ADAM12: variants seen among roughly 807,000 people sequenced by gnomAD.
The protein encoded by ADAM12 is ADAM metallopeptidase domain 12, also known as disintegrin and metalloproteinase domain-containing protein 12.
In ADAM12, 70 loss-of-function variants were observed where a neutral mutation model predicts 106.4. That is an observed-to-expected ratio of 0.66 (90% CI 0.54 to 0.80). The LOEUF is 0.80. Ranked by LOEUF, ADAM12 falls within the 30% of genes least tolerant of loss-of-function variation. ADAM12 has a pLI of 0.00. For missense variants in ADAM12, 1,010 were observed against 1,171.9 expected, an observed-to-expected ratio of 0.86 and a Z score of 2.02; for synonymous variants, 420 against 433.5, an observed-to-expected ratio of 0.97 and a Z score of 0.39.
chr10:126,087,938 GCC>G (rs1033993805), intron 11 of ADAM12, among the ~76,000 whole-genome samples: 3 of 152,190 alleles, frequency 2.0e-5, no homozygotes, highest in Non-Finnish European at 4.4e-5. Flanking sequence ...GGAGCGGTCT[GCC>G]CAGCCTGTAT....
chr10:126,289,410 C>T (rs1960042088), intron 2 of ADAM12, among the ~76,000 whole-genome samples: 1 of 152,232 alleles, frequency 6.6e-6, no homozygotes, highest in Non-Finnish European at 1.5e-5. Context: ...CCACTGGTAG[C>T]CCCAGTGCCA....
chr10:126,260,233 C>T (rs1364276232), intron 3 of ADAM12, among the ~76,000 whole-genome samples: 2 of 152,222 alleles, frequency 1.3e-5, no homozygotes, highest in African/African-American at 2.4e-5. Flanking sequence ...CAGCGCTTCA[C>T]GCTGCCTGCT....
intron 3 of ADAM12, among the ~76,000 whole-genome samples, chr10:126,247,917 T>A (rs1590677289): frequency 6.6e-6 from 1 of 152,066 alleles, no homozygotes; most frequent in Non-Finnish European, 1.5e-5. Flanking sequence ...AATGACGGAG[T>A]AAGATGCTCT....
intron 2 of ADAM12, among the ~76,000 whole-genome samples, chr10:126,305,564 G>A (rs971367580): frequency 3.3e-5 from 5 of 152,004 alleles, no homozygotes; most frequent in Admixed American, 6.5e-5. Context: ...TTTGGGTGAC[G>A]GTTACGTGGG....
At chr10:126,088,210 A>G (rs1391531198) in intron 11 of ADAM12, among the ~76,000 whole-genome samples, 2 of 152,090 alleles carry the variant, frequency 1.3e-5, no homozygotes, top group Non-Finnish European at 2.9e-5. Flanking sequence ...GAAGTCAAGG[A>G]TCCTGCCTTG....
At chr10:126,108,971 A>T (rs1005486135) in intron 7 of ADAM12, among the ~76,000 whole-genome samples, 3 of 152,232 alleles carry the variant, frequency 2.0e-5, no homozygotes, top group Non-Finnish European at 4.4e-5. Flanking sequence ...GTCAGTCCAA[A>T]GCCATTTTTC....
intron 5 of ADAM12, among the ~76,000 whole-genome samples, chr10:126,121,629 C>T (rs1240387655): frequency 2.0e-5 from 3 of 150,340 alleles, no homozygotes; most frequent in Non-Finnish European, 4.4e-5. Context: ...CGAGGAATAG[C>T]TGGTCAAGTT....
At chr10:126,205,331 TA>T (rs58602667) in intron 3 of ADAM12, among the ~76,000 whole-genome samples, 118,356 of 147,898 alleles carry the variant, frequency 0.8, 47,294 homozygotes, top group Middle Eastern at 0.89. Context: ...AAAGTATGTT[TA>T]AAAAAAAAAA....
chr10:126,259,464 T>A (rs959565654), intron 3 of ADAM12, among the ~76,000 whole-genome samples: 22 of 152,326 alleles, frequency 1.4e-4, no homozygotes, highest in African/African-American at 4.8e-4. Flanking sequence ...AAAAGAGCGA[T>A]CACATGCTTT....
At position 126,025,949 on chromosome 10, in the gene ADAM12, A is replaced by G. The variant is rs149230023; in HGVS notation, c.2530-6124T>C. Among the ~76,000 whole-genome samples the G allele has an allele frequency of 2.8e-4, 42 of 152,356 alleles. No homozygotes were observed. The East Asian group carries it at 8.1e-3, about 29-fold the overall frequency. ...ACAAAGGAAAGCCTATCAGACTAACAGCAGACCTCCCAGTGGAAACCCAAT... is the reference window on the plus strand; with the variant it reads ...ACAAAGGAAAGCCTATCAGACTAACGGCAGACCTCCCAGTGGAAACCCAAT... On this transcript the variant is annotated intron_variant, in intron 21 of 22. Transcript: ENST00000448723.
At chr10:126,250,901 T>C (rs1396708459) in intron 3 of ADAM12, among the ~76,000 whole-genome samples, 1 of 152,266 alleles carries the variant, frequency 6.6e-6, no homozygotes, top group Admixed American at 6.5e-5. Flanking sequence ...GTTTACATTA[T>C]TGATCTGCTA....
In ADAM12 at chr10:126,137,332, C is replaced by T. The variant is rs554155171; in HGVS notation, c.340-1672G>A. 2.0e-5 allele frequency among the ~76,000 whole-genome samples: 3 copies of T among 152,248 alleles called. No homozygotes were observed. In the East Asian group the frequency reaches 5.8e-4, roughly 29 times the overall value. On this transcript the variant is annotated intron_variant, in intron 4 of 22. Coordinates refer to ENST00000448723, the MANE Select transcript of ADAM12 (RefSeq NM_001288973.2). The stretch of plus-strand genomic sequence containing the variant: ...TTCCACACTGTTCCAATGACTATTG[C>T]TCTATACTCTATTTTGATATCAGGT...
chr10:126,051,471 A>C (rs114536314), intron 14 of ADAM12, among the ~76,000 whole-genome samples: 4,015 of 149,260 alleles, frequency 0.027, 170 homozygotes, highest in African/African-American at 0.093. Context: ...CCGTCCATCC[A>C]TCCGTCCAGC....
rs1190261309 is a variant in ADAM12, at chr10:126,053,647, A to G, written c.1610-3978T>C. 6.6e-6 allele frequency among the ~76,000 whole-genome samples: 1 copy of G among 152,156 alleles called. No individual in the cohort carries two copies. Among genetic ancestry groups the G allele is most frequent in the Admixed American group, 6.5e-5 (1 of 15,280 alleles). The stretch of plus-strand genomic sequence containing the variant: ...CATTTTAATTTAGATTGTCTTAAAA[A>G]AAAAACCTCTCCCACACCGTGGAAC... On this transcript the variant is annotated intron_variant, in intron 14 of 22. Coordinates refer to ENST00000448723, the MANE Select transcript of ADAM12 (RefSeq NM_001288973.2). The surrounding 1 kb of genome is among the most constrained non-coding windows in gnomAD (Gnocchi z 4.6).
At chr10:126,047,153 A>T (rs1007052464) in intron 16 of ADAM12, among the ~76,000 whole-genome samples, 1 of 152,378 alleles carries the variant, frequency 6.6e-6, no homozygotes, top group Admixed American at 6.5e-5. Flanking sequence ...GCAGCCCTTT[A>T]TCTCCTATAA....
At chr10:126,226,687 G>A (rs1231722432) in intron 3 of ADAM12, among the ~76,000 whole-genome samples, 1 of 152,184 alleles carries the variant, frequency 6.6e-6, no homozygotes, top group African/African-American at 2.4e-5. Context: ...AGCTTGGCTT[G>A]TAGTAAGTGT....
chr10:126,228,669 G>C (rs1217625257), intron 3 of ADAM12, among the ~76,000 whole-genome samples: 1 of 151,982 alleles, frequency 6.6e-6, no homozygotes. Flanking sequence ...GCACATTTTT[G>C]TCCTTCCTCC....
At chr10:126,104,927 A>G (rs960546099) in intron 8 of ADAM12, among the ~76,000 whole-genome samples, 5 of 152,166 alleles carry the variant, frequency 3.3e-5, no homozygotes, top group Admixed American at 1.3e-4. Context: ...TTTCATTTGT[A>G]GAGTTGAAAA....
intron 2 of ADAM12, among the ~76,000 whole-genome samples, chr10:126,300,795 T>C (rs1960586971): frequency 6.6e-6 from 1 of 152,226 alleles, no homozygotes. Context: ...ATAGGTTGAG[T>C]GTGTTAACTC....
Sources: allele counts gnomAD v4.1 joint callset (sites outside exome capture counted in the v4.1 genomes callset), GRCh38; gene constraint gnomAD v4.1.1; non-coding constraint Gnocchi (gnomAD v3.1); transcripts MANE v1.5; gene names NCBI Gene and HGNC (gene_info 2026-07-23, HGNC 2026-07-21).